Variants in DOCK2 observed in about 807,000 individuals in gnomAD.
The protein encoded by DOCK2 is dedicator of cytokinesis protein 2.
Under a neutral mutation model 248.9 loss-of-function variants are expected in DOCK2, and 87 were observed. The ratio of observed to expected loss-of-function variants is 0.35; its 90% CI spans 0.29 to 0.42. The LOEUF is 0.42. Ranked by LOEUF, DOCK2 falls within the 10% of genes least tolerant of loss-of-function variation. The pLI, the probability that DOCK2 is intolerant of heterozygous loss-of-function variation, is 1.00. For missense variants in DOCK2, 1,747 were observed against 2,300.2 expected, an observed-to-expected ratio of 0.76 and a Z score of 4.92; for synonymous variants, 805 against 821.6, an observed-to-expected ratio of 0.98 and a Z score of 0.35.
intron 25 of DOCK2, among the ~76,000 whole-genome samples, chr5:169,799,554 A>C (rs554021510): frequency 1.7e-4 from 26 of 152,350 alleles, no homozygotes; most frequent in Middle Eastern, 6.8e-3. Flanking sequence ...GGCAAAAGAA[A>C]AAAGAGAAGA....
Position 170,036,564 on chromosome 5 carries a change from C to CA in DOCK2, c.3665+10dup. 6.2e-7 allele frequency: 1 copy of CA among 1,612,294 alleles called. No individual in the cohort carries two copies. Among genetic ancestry groups the CA allele is most frequent in the Non-Finnish European group, 8.5e-7 (1 of 1,179,178 alleles). Reference sequence around the variant, plus strand: ...GAGGAGATGTACATAAGGTAAGATTCATATTTTCTAAAATCCAGACCTGCT... The same window carrying CA: ...GAGGAGATGTACATAAGGTAAGATTCAATATTTTCTAAAATCCAGACCTGCT... On this transcript the variant is annotated intron_variant, in intron 36 of 51. Coordinates refer to ENST00000520908, the MANE Select transcript of DOCK2 (RefSeq NM_004946.3).
At chr5:169,709,656 G>A (rs542250466) in intron 15 of DOCK2, among the ~76,000 whole-genome samples, 1 of 152,306 alleles carries the variant, frequency 6.6e-6, no homozygotes, top group Non-Finnish European at 1.5e-5. Context: ...GGGAGGCGGA[G>A]GTTGCAGTGA....
intron 25 of DOCK2, among the ~76,000 whole-genome samples, chr5:169,798,449 C>G (rs530568598): frequency 1.3e-5 from 2 of 152,212 alleles, no homozygotes; most frequent in African/African-American, 4.8e-5. Flanking sequence ...CCAAGGAGAT[C>G]TTTCATATCT....
At chr5:169,947,193 T>C (rs777979311) in intron 27 of DOCK2, among the ~76,000 whole-genome samples, 8 of 152,366 alleles carry the variant, frequency 5.3e-5, no homozygotes, top group Non-Finnish European at 1.2e-4. Context: ...TGATATGAAC[T>C]CAAGCAGTCT....
intron 28 of DOCK2, among the ~76,000 whole-genome samples, chr5:169,984,441 C>T (rs1778015932): frequency 6.6e-6 from 1 of 152,160 alleles, no homozygotes; most frequent in Non-Finnish European, 1.5e-5. Flanking sequence ...GCAGTATGCA[C>T]TTAATCGTCA....
intron 22 of DOCK2, among the ~76,000 whole-genome samples, chr5:169,719,251 G>T (rs1762068709): frequency 6.6e-6 from 1 of 152,194 alleles, no homozygotes; most frequent in Admixed American, 6.5e-5. Flanking sequence ...AAAGTGAGCT[G>T]ATGTATTAGA....
At chr5:169,940,109 G>A (rs1191107892) in intron 27 of DOCK2, among the ~76,000 whole-genome samples, 1 of 152,130 alleles carries the variant, frequency 6.6e-6, no homozygotes, top group East Asian at 1.9e-4. Flanking sequence ...AGGGTCCCAT[G>A]GTCCCCTCCG....
At chr5:169,651,169 T>G (rs1459918386) in intron 1 of DOCK2, among the ~76,000 whole-genome samples, 1 of 152,236 alleles carries the variant, frequency 6.6e-6, no homozygotes, top group Non-Finnish European at 1.5e-5. Flanking sequence ...TCTAGAAGAC[T>G]AAACAGAATT....
chr5:169,651,948 A>C (rs1250863252), intron 1 of DOCK2, among the ~76,000 whole-genome samples: 3 of 152,240 alleles, frequency 2.0e-5, no homozygotes, highest in African/African-American at 7.2e-5. Context: ...AGCCTTGTTC[A>C]GGAGATAATA....
intron 27 of DOCK2, chr5:169,864,561 G>T (rs1202747823): frequency 2.1e-6 from 2 of 959,444 alleles, no homozygotes; most frequent in African/African-American, 3.3e-5. Context: ...TGAGCTTTGG[G>T]ATCAAATCCT....
chr5:169,729,436 G>T (rs1762650667), intron 22 of DOCK2, among the ~76,000 whole-genome samples: 1 of 152,172 alleles, frequency 6.6e-6, no homozygotes, highest in Admixed American at 6.5e-5. Context: ...GGCACATATG[G>T]TCACTGTCCT....
At chr5:169,725,854 G>A (rs946287229) in intron 22 of DOCK2, among the ~76,000 whole-genome samples, 1 of 152,120 alleles carries the variant, frequency 6.6e-6, no homozygotes, top group East Asian at 1.9e-4. Context: ...TTTTATGGCT[G>A]CATAGTATTC....
intron 25 of DOCK2, among the ~76,000 whole-genome samples, chr5:169,797,431 A>ATAAT (rs777696693): frequency 2.6e-5 from 4 of 152,242 alleles, no homozygotes; most frequent in African/African-American, 2.4e-5. Flanking sequence ...GAGCCATCAA[A>ATAAT]TAATTGCAAA....
At chr5:169,660,647 A>G (rs2113222849) in intron 2 of DOCK2, among the ~76,000 whole-genome samples, 1 of 152,208 alleles carries the variant, frequency 6.6e-6, no homozygotes, top group East Asian at 1.9e-4. Flanking sequence ...CATGCTAATA[A>G]CTCCTTTGAG....
At chr5:169,937,866 G>A (rs75386837) in intron 27 of DOCK2, among the ~76,000 whole-genome samples, 36 of 152,286 alleles carry the variant, frequency 2.4e-4, no homozygotes, top group African/African-American at 7.9e-4. Flanking sequence ...CTTCTCTCAC[G>A]TGAGTGGTGG....
chr5:169,973,740 G>A (rs1777609873), intron 27 of DOCK2, among the ~76,000 whole-genome samples: 2 of 152,164 alleles, frequency 1.3e-5, no homozygotes, highest in African/African-American at 4.8e-5. Context: ...AACAGGAGGG[G>A]TGTCCTCAGC....
chr5:169,839,930 A>G (rs1769840246), intron 26 of DOCK2, among the ~76,000 whole-genome samples: 1 of 152,242 alleles, frequency 6.6e-6, no homozygotes, highest in Non-Finnish European at 1.5e-5. Flanking sequence ...AATTCCCTGC[A>G]TTAAATTTCC....
chr5:169,947,655 C>A (rs1344740581), intron 27 of DOCK2, among the ~76,000 whole-genome samples: 1 of 152,138 alleles, frequency 6.6e-6, no homozygotes, highest in Non-Finnish European at 1.5e-5. Flanking sequence ...TGAATATCCC[C>A]AAAAATGTAA....
chr5:170,011,931 T>C (rs748645176), intron 32 of DOCK2, among the ~76,000 whole-genome samples: 1 of 152,214 alleles, frequency 6.6e-6, no homozygotes, highest in Non-Finnish European at 1.5e-5. Flanking sequence ...GGCCATCTTT[T>C]GGTTTCTTGT....
Sources: gnomAD v4.1 joint callset for allele counts (sites outside exome capture counted in the v4.1 genomes callset) on GRCh38, gnomAD v4.1.1 for gene constraint, MANE v1.5 for transcripts, NCBI Gene and HGNC (gene_info 2026-07-23, HGNC 2026-07-21) for gene names.